The following CNTN5 variants were observed in gnomAD, a reference collection of about 807,000 sequenced individuals.
CNTN5 encodes the protein contactin 5.
In CNTN5, 77 loss-of-function variants were observed where a neutral mutation model predicts 129.1. The observed-to-expected ratio is 0.60, with a 90% CI of 0.50 to 0.72. CNTN5 has a LOEUF of 0.72. Among genes scored for constraint, CNTN5 ranks in the 30% least tolerant of loss-of-function variants. CNTN5 has a pLI of 0.00. For synonymous variants in CNTN5, 509 were observed against 465.6 expected (o/e 1.09, Z -1.20); for missense variants, 1,478 against 1,328.8 (o/e 1.11, Z -1.75).
chr11:99,467,025 A>T (rs1944971802), intron 2 of CNTN5, among the ~76,000 whole-genome samples: 1 of 152,174 alleles, frequency 6.6e-6, no homozygotes, highest in African/African-American at 2.4e-5. Context: ...CACATCATGG[A>T]TATCTGACAA....
At chr11:99,597,888 C>T (rs982082084) in intron 3 of CNTN5, among the ~76,000 whole-genome samples, 4 of 152,102 alleles carry the variant, frequency 2.6e-5, no homozygotes, top group African/African-American at 9.7e-5. Flanking sequence ...CTTATGAATG[C>T]CATAGCATCT....
chr11:100,133,102 T>TGA (rs1417039858), intron 13 of CNTN5, among the ~76,000 whole-genome samples: 1 of 152,108 alleles, frequency 6.6e-6, no homozygotes, highest in African/African-American at 2.4e-5. Context: ...TGTGGTAATT[T>TGA]TCTCAAAAAT....
At chr11:99,553,979 C>CACACACACACACACACACAT (rs1591269722) in intron 2 of CNTN5, among the ~76,000 whole-genome samples, 3 of 145,652 alleles carry the variant, frequency 2.1e-5, no homozygotes, top group South Asian at 2.3e-4. Context: ...CACACACACA[C>CACACACACACACACACACAT]ACACACACAC....
chr11:99,250,014 A>G (rs994528259), intron 1 of CNTN5, among the ~76,000 whole-genome samples: 5 of 151,782 alleles, frequency 3.3e-5, no homozygotes, highest in Non-Finnish European at 7.4e-5. Context: ...TGCTTTAGGG[A>G]ATTTTGGGGT....
intron 1 of CNTN5, among the ~76,000 whole-genome samples, chr11:99,237,045 A>G (rs1861305997): frequency 6.6e-6 from 1 of 152,018 alleles, no homozygotes; most frequent in Non-Finnish European, 1.5e-5. Context: ...GTGATATAGA[A>G]AAGTTTTGTT....
rs188185670 is a variant in CNTN5 at position 99,823,481 on chromosome 11, T to G, written c.277+3716T>G. ...ACAAGGCCTACTTTTTAGTCCTGTT[T>G]GTTATATAAACAGATGCTACAGAGA... On this transcript the variant is annotated intron_variant, in intron 4 of 24. Coordinates refer to ENST00000524871, the MANE Select transcript of CNTN5 (RefSeq NM_014361.4). 1.1e-3 allele frequency among the ~76,000 whole-genome samples: 163 copies of G among 152,232 alleles called. 2 individuals are homozygous for G. Among genetic ancestry groups the G allele is most frequent in the African/African-American group, 3.7e-3 (154 of 41,554 alleles).
At chr11:99,759,615 C>T (rs1353680111) in intron 3 of CNTN5, among the ~76,000 whole-genome samples, 1 of 151,444 alleles carries the variant, frequency 6.6e-6, no homozygotes, top group East Asian at 1.9e-4. Flanking sequence ...GAAGTCATAA[C>T]CCCAGATCTA....
intron 2 of CNTN5, among the ~76,000 whole-genome samples, chr11:99,328,870 C>CAAAAAAAAAAAAAAAAACAAAAA: frequency 1.1e-5 from 1 of 87,652 alleles, no homozygotes; most frequent in Non-Finnish European, 2.2e-5. Flanking sequence ...AACTCCATCT[C>CAAAAAAAAAAAAAAAAACAAAAA]AAAAAAAAAA....
chr11:99,044,118 C>A (rs1404385972), intron 1 of CNTN5, among the ~76,000 whole-genome samples: 1 of 152,128 alleles, frequency 6.6e-6, no homozygotes, highest in Admixed American at 6.5e-5. Context: ...CAATCAAATT[C>A]TATTATGAGA....
At position 99,859,817 on chromosome 11, in the gene CNTN5, C is replaced by T. The variant is rs1469362952; in HGVS notation, c.577+14555C>T. On this transcript the variant is annotated intron_variant, in intron 6 of 24. Transcript: ENST00000524871. ...TAGTGCTTCAGTGAACATGTGAGTG[C>T]ATGGGTCTTTTTGGTAGAACTGTTT... 3.9e-5 allele frequency among the ~76,000 whole-genome samples: 6 copies of T among 152,256 alleles called. No individual in the cohort carries two copies. The South Asian group carries it at 1.0e-3, about 26-fold the overall frequency.
At chr11:99,239,542 T>C (rs981663966) in intron 1 of CNTN5, among the ~76,000 whole-genome samples, 2 of 152,186 alleles carry the variant, frequency 1.3e-5, no homozygotes, top group African/African-American at 4.8e-5. Flanking sequence ...AAACTAACTG[T>C]AGCTTTCCAA....
At chr11:100,116,629 T>C (rs1270750368) in intron 13 of CNTN5, among the ~76,000 whole-genome samples, 1 of 151,942 alleles carries the variant, frequency 6.6e-6, no homozygotes, top group South Asian at 2.1e-4. Context: ...GAGAGACAAA[T>C]AGAAATATAA....
At chr11:99,150,685 G>A (rs1029927170) in intron 1 of CNTN5, among the ~76,000 whole-genome samples, 4 of 151,934 alleles carry the variant, frequency 2.6e-5, no homozygotes, top group African/African-American at 4.8e-5. Context: ...TAAAGATTTA[G>A]TAAGAATATT....
At chr11:99,850,521 A>C (rs1282012659) in intron 6 of CNTN5, among the ~76,000 whole-genome samples, 1 of 152,154 alleles carries the variant, frequency 6.6e-6, no homozygotes. Flanking sequence ...TTCATTTGTC[A>C]CCCAATATAT....
At chr11:99,815,834 A>G (rs943739657) in intron 3 of CNTN5, among the ~76,000 whole-genome samples, 1 of 152,100 alleles carries the variant, frequency 6.6e-6, no homozygotes, top group African/African-American at 2.4e-5. Context: ...TGTCTATTTC[A>G]TCTTATTATT....
At chr11:100,072,989 G>GAAAAAAAAAAAAAA (rs1943983679) in intron 12 of CNTN5, among the ~76,000 whole-genome samples, 1 of 18,008 alleles carries the variant, frequency 5.6e-5, no homozygotes, top group African/African-American at 3.6e-4. Context: ...TTCCCAGGAG[G>GAAAAAAAAAAAAAA]CAAAAAAAAA....
In CNTN5 at chr11:99,635,319, C is replaced by A. The variant is rs1951510843; in HGVS notation, c.55+79050C>A. Among the ~76,000 whole-genome samples, 5 of 152,158 alleles carry A rather than the reference C, an allele frequency of 3.3e-5. No homozygotes were observed. The South Asian group carries it at 8.3e-4, about 25-fold the overall frequency. ...TCAGTTTAGCTATTTTTTGCTTATG[C>A]GAGTCAGTTAAATTCTTTGAGGCCC... On this transcript the variant is annotated intron_variant, in intron 3 of 24. Coordinates refer to ENST00000524871, the MANE Select transcript of CNTN5 (RefSeq NM_014361.4).
chr11:99,942,413 TTCTG>T (rs1950459889), intron 7 of CNTN5, among the ~76,000 whole-genome samples: 1 of 152,018 alleles, frequency 6.6e-6, no homozygotes, highest in African/African-American at 2.4e-5. Context: ...TTAATATTCT[TTCTG>T]GGAAAACTGG....
chr11:99,583,318 G>A (rs1257442485), intron 3 of CNTN5, among the ~76,000 whole-genome samples: 3 of 152,218 alleles, frequency 2.0e-5, no homozygotes, highest in Non-Finnish European at 4.4e-5. Context: ...ATCTCAAGCT[G>A]TGTGCTGGGA....
Sources: gnomAD v4.1 joint callset for allele counts (sites outside exome capture counted in the v4.1 genomes callset) on GRCh38, gnomAD v4.1.1 for gene constraint, MANE v1.5 for transcripts, NCBI Gene and HGNC (gene_info 2026-07-23, HGNC 2026-07-21) for gene names.